The following ZFPM2 variants were observed in gnomAD, a reference collection of about 807,000 sequenced individuals.
The protein encoded by ZFPM2 is zinc finger protein ZFPM2.
ZFPM2 carries 20 observed loss-of-function variants against 98.6 expected under a neutral mutation model. The observed-to-expected ratio is 0.20, with a 90% CI of 0.14 to 0.29. The LOEUF is 0.29. Among genes scored for constraint, ZFPM2 ranks in the 10% least tolerant of loss-of-function variants. The pLI is 1.00. For synonymous variants in ZFPM2, 518 were observed against 502.7 expected (o/e 1.03, Z -0.41); for missense variants, 1,310 against 1,388.6 (o/e 0.94, Z 0.90).
At chr8:105,524,494 C>G (rs1344672009) in intron 3 of ZFPM2, among the ~76,000 whole-genome samples, 1 of 151,762 alleles carries the variant, frequency 6.6e-6, no homozygotes, top group Non-Finnish European at 1.5e-5. Context: ...GTTTCTCTCT[C>G]TCTCTCTCAC....
At chr8:105,623,212 T>G (rs1816587527) in intron 4 of ZFPM2, among the ~76,000 whole-genome samples, 1 of 152,178 alleles carries the variant, frequency 6.6e-6, no homozygotes, top group African/African-American at 2.4e-5. Flanking sequence ...ATAATTTGTC[T>G]CAGAAAATCT....
chr8:105,783,679 GTCC>G (rs1177231284), intron 5 of ZFPM2, among the ~76,000 whole-genome samples: 1 of 152,126 alleles, frequency 6.6e-6, no homozygotes, highest in Admixed American at 6.6e-5. Flanking sequence ...TCAGTACAAT[GTCC>G]TCAAGCTTCA....
intron 1 of ZFPM2, among the ~76,000 whole-genome samples, chr8:105,393,291 G>A (rs1221761832): frequency 6.7e-6 from 1 of 148,420 alleles, no homozygotes; most frequent in African/African-American, 2.5e-5. Context: ...ATATTCTTCA[G>A]AATGTCTTCC....
At chr8:105,457,443 C>A (rs534823544) in intron 3 of ZFPM2, among the ~76,000 whole-genome samples, 4 of 152,154 alleles carry the variant, frequency 2.6e-5, no homozygotes, top group Non-Finnish European at 4.4e-5. Flanking sequence ...CAGGATCAAG[C>A]GATGACTTAG....
At chr8:105,679,254 C>T (rs539313089) in intron 5 of ZFPM2, among the ~76,000 whole-genome samples, 1 of 152,118 alleles carries the variant, frequency 6.6e-6, no homozygotes. Flanking sequence ...GATGATTGGG[C>T]AACATTAGTT....
chr8:105,349,194 G>T (rs1812596209), intron 1 of ZFPM2, among the ~76,000 whole-genome samples: 1 of 152,000 alleles, frequency 6.6e-6, no homozygotes, highest in Non-Finnish European at 1.5e-5. Context: ...TCTGAAATGA[G>T]AATAAATCAG....
chr8:105,744,910 G>T (rs562814744), intron 5 of ZFPM2, among the ~76,000 whole-genome samples: 2 of 152,112 alleles, frequency 1.3e-5, no homozygotes, highest in Non-Finnish European at 2.9e-5. Context: ...TGTAGGAATT[G>T]TTTGCTTCTC....
At chr8:105,484,942 T>C (rs1483955105) in intron 3 of ZFPM2, among the ~76,000 whole-genome samples, 1 of 152,136 alleles carries the variant, frequency 6.6e-6, no homozygotes, top group Non-Finnish European at 1.5e-5. Flanking sequence ...TTCTCAGAGA[T>C]AGGACAATAT....
chr8:105,616,750 A>G (rs1009307316), intron 4 of ZFPM2: 7 of 308,650 alleles, frequency 2.3e-5, no homozygotes, highest in African/African-American at 4.5e-5. Flanking sequence ...GGGTGCGGTG[A>G]CTCATGCCTG....
chr8:105,710,485 T>C (rs942769595), intron 5 of ZFPM2, among the ~76,000 whole-genome samples: 1 of 152,206 alleles, frequency 6.6e-6, no homozygotes, highest in Non-Finnish European at 1.5e-5. Flanking sequence ...TTCTTTTATG[T>C]GCATACGACA....
intron 1 of ZFPM2, among the ~76,000 whole-genome samples, chr8:105,336,437 T>C (rs1444191482): frequency 6.6e-6 from 1 of 151,740 alleles, no homozygotes; most frequent in East Asian, 1.9e-4. Flanking sequence ...TAAAATATAA[T>C]TTTAAAGGTC....
At chr8:105,585,220 A>T (rs1815686806) in intron 4 of ZFPM2, among the ~76,000 whole-genome samples, 1 of 152,184 alleles carries the variant, frequency 6.6e-6, no homozygotes, top group African/African-American at 2.4e-5. Flanking sequence ...AGGTACTATG[A>T]ATATAAGGTT....
intron 5 of ZFPM2, among the ~76,000 whole-genome samples, chr8:105,692,710 G>A (rs1198949992): frequency 2.0e-5 from 3 of 152,164 alleles, no homozygotes; most frequent in African/African-American, 7.2e-5. Context: ...TTTGGAATTT[G>A]TTGTAAACAA....
intron 5 of ZFPM2, among the ~76,000 whole-genome samples, chr8:105,727,430 C>T (rs1811838251): frequency 1.3e-5 from 2 of 151,874 alleles, no homozygotes; most frequent in South Asian, 4.1e-4. Context: ...CGATCTCCTA[C>T]TATGGTAATT....
chr8:105,802,330 G>C lies in ZFPM2; in HGVS notation c.2248G>C (p.Glu750Gln). Residue 750 changes from glutamate (E) to glutamine (Q), a missense_variant, in exon 8 of 8, where the codon GAA becomes CAA. Physicochemically the swap from Glu to Gln is conservative, Grantham distance 29. Transcript: ENST00000407775. The part of the protein sequence containing the change: ...KMYEMCLPEQ[E>Q]QRPPLVQQRF... ...GTATGAGATGTGCCTACCTGAGCAGGAACAAAGGCCTCCACTGGTTCAGCA... is the reference window on the plus strand; with the variant it reads ...GTATGAGATGTGCCTACCTGAGCAGCAACAAAGGCCTCCACTGGTTCAGCA... The C allele has an allele frequency of 6.2e-7, 1 of 1,613,750 alleles. No homozygotes were observed. The highest frequency in any genetic ancestry group is 1.1e-5 in the South Asian group (1 of 91,056).
chr8:105,436,137 T>C (rs1812114449), intron 2 of ZFPM2, among the ~76,000 whole-genome samples: 1 of 152,216 alleles, frequency 6.6e-6, no homozygotes, highest in Non-Finnish European at 1.5e-5. Context: ...CATTTGTATG[T>C]AGTTGATTTT....
At chr8:105,535,163 C>G (rs1431546430) in intron 3 of ZFPM2, among the ~76,000 whole-genome samples, 2 of 152,282 alleles carry the variant, frequency 1.3e-5, no homozygotes, top group East Asian at 3.9e-4. Context: ...TAAATAACTA[C>G]TTTATGTTAC....
intron 3 of ZFPM2, among the ~76,000 whole-genome samples, chr8:105,537,946 G>A (rs1007433328): frequency 6.6e-6 from 1 of 151,948 alleles, no homozygotes; most frequent in African/African-American, 2.4e-5. Context: ...TGGCCAGGAT[G>A]GTCTCGATCT....
At chr8:105,319,753 C>T (rs1311142066) in intron 1 of ZFPM2, 3 of 152,294 alleles carry the variant, frequency 2.0e-5, no homozygotes, top group African/African-American at 7.2e-5. Context: ...AGCGCGGAAG[C>T]TGTGAGTTCA....
Sources: allele counts gnomAD v4.1 joint callset (sites outside exome capture counted in the v4.1 genomes callset), GRCh38; gene constraint gnomAD v4.1.1; transcripts MANE v1.5; gene names NCBI Gene and HGNC (gene_info 2026-07-23, HGNC 2026-07-21).